Variants in ZFHX3 observed in about 807,000 individuals in gnomAD.
ZFHX3 encodes the protein zinc finger homeobox 3.
In ZFHX3, 42 loss-of-function variants were observed where a neutral mutation model predicts 279.1. That is an observed-to-expected ratio of 0.15 (90% CI 0.12 to 0.19). The LOEUF is 0.19. ZFHX3 is among the 10% of genes least tolerant of loss of function. The probability of loss-of-function intolerance (pLI) is 1.00; values close to 1 mark genes in which losing one functional copy is unlikely to be tolerated. For synonymous variants in ZFHX3, 2,293 were observed against 1,957.8 expected (o/e 1.17, Z -4.52); for missense variants, 4,981 against 4,754.0 (o/e 1.05, Z -1.40).
chr16:73,220,369 T>C (rs1417486968), intron 5 of ZFHX3, among the ~76,000 whole-genome samples: 1 of 152,072 alleles, frequency 6.6e-6, no homozygotes, highest in Non-Finnish European at 1.5e-5. Flanking sequence ...TATTAAACAA[T>C]AAAATAAAAT....
At chr16:73,065,133 C>T (rs921008588) in intron 8 of ZFHX3, among the ~76,000 whole-genome samples, 1 of 152,188 alleles carries the variant, frequency 6.6e-6, no homozygotes, top group Non-Finnish European at 1.5e-5. Flanking sequence ...GATGGGCGGG[C>T]GGCGGGCTTG....
intron 2 of ZFHX3, among the ~76,000 whole-genome samples, chr16:73,545,633 C>T (rs2020095525): frequency 6.6e-6 from 1 of 152,080 alleles, no homozygotes; most frequent in Non-Finnish European, 1.5e-5. Flanking sequence ...TTAGTTTGTG[C>T]TCTTCTTCTT....
intron 1 of ZFHX3, among the ~76,000 whole-genome samples, chr16:73,704,528 C>T (rs1282760939): frequency 6.6e-6 from 1 of 152,220 alleles, no homozygotes; most frequent in Non-Finnish European, 1.5e-5. Context: ...CACTGTACTG[C>T]ACATAAGACA....
At chr16:72,971,782 G>C (rs1269503759) in intron 1 of ZFHX3, among the ~76,000 whole-genome samples, 1 of 151,710 alleles carries the variant, frequency 6.6e-6, no homozygotes, top group Non-Finnish European at 1.5e-5. Flanking sequence ...GGCAAGAAAT[G>C]GCATCTCATT....
At chr16:73,864,449 T>C (rs1466433960) in intron 1 of ZFHX3, among the ~76,000 whole-genome samples, 1 of 152,234 alleles carries the variant, frequency 6.6e-6, no homozygotes, top group East Asian at 1.9e-4. Flanking sequence ...CTGGGTCTAG[T>C]GGCTTATGCC....
chr16:73,263,396 C>A (rs1459735453), intron 4 of ZFHX3, among the ~76,000 whole-genome samples: 1 of 152,086 alleles, frequency 6.6e-6, no homozygotes, highest in East Asian at 1.9e-4. Flanking sequence ...AGTATGTTAC[C>A]CAGGCTGATC....
chr16:73,024,590 T>C (rs186987686), intron 1 of ZFHX3, among the ~76,000 whole-genome samples: 242 of 152,134 alleles, frequency 1.6e-3, no homozygotes, highest in Non-Finnish European at 3.0e-3. Context: ...TAAAACGAAA[T>C]CTCACCAGCA....
intron 3 of ZFHX3, among the ~76,000 whole-genome samples, chr16:73,352,121 G>C (rs1360441253): frequency 2.6e-5 from 4 of 152,064 alleles, no homozygotes; most frequent in Non-Finnish European, 5.9e-5. Context: ...TTTCAGTCTG[G>C]GGAATCGCCA....
At chr16:73,278,882 T>C (rs1469964197) in intron 4 of ZFHX3, among the ~76,000 whole-genome samples, 1 of 152,176 alleles carries the variant, frequency 6.6e-6, no homozygotes, top group East Asian at 1.9e-4. Flanking sequence ...TACAATCCTC[T>C]TGTAAGACAG....
At chr16:73,661,098 T>C (rs2052778567) in intron 2 of ZFHX3, among the ~76,000 whole-genome samples, 1 of 152,224 alleles carries the variant, frequency 6.6e-6, no homozygotes, top group Non-Finnish European at 1.5e-5. Context: ...TAACATTTTC[T>C]TAAACTTCTA....
chr16:73,513,497 G>T (rs934455906), intron 2 of ZFHX3, among the ~76,000 whole-genome samples: 70 of 152,112 alleles, frequency 4.6e-4, no homozygotes, highest in African/African-American at 1.6e-3. Context: ...CTTGGGGCTG[G>T]TTTACAGATA....
chr16:73,120,145 C>T (rs1227246106), intron 7 of ZFHX3, among the ~76,000 whole-genome samples: 3 of 152,120 alleles, frequency 2.0e-5, no homozygotes, highest in Non-Finnish European at 4.4e-5. Context: ...AAGGCTCTTT[C>T]TGTCCCTGAT....
intron 2 of ZFHX3, among the ~76,000 whole-genome samples, chr16:73,642,682 C>T (rs973490997): frequency 4.6e-5 from 7 of 152,112 alleles, no homozygotes; most frequent in Admixed American, 2.6e-4. Flanking sequence ...CTATATTAAG[C>T]GTAGTACATA....
At chr16:73,845,663 G>A (rs939137098) in intron 1 of ZFHX3, among the ~76,000 whole-genome samples, 14 of 152,176 alleles carry the variant, frequency 9.2e-5, no homozygotes, top group South Asian at 4.2e-4. Flanking sequence ...TGCTGGCTCC[G>A]TCAGGATTTT....
At chr16:73,095,004 G>A (rs755873429) in intron 7 of ZFHX3, among the ~76,000 whole-genome samples, 170 of 151,530 alleles carry the variant, frequency 1.1e-3, no homozygotes, top group Non-Finnish European at 7.2e-4. Flanking sequence ...GCCACTGTGC[G>A]CAGCTCCTTC....
rs138619337 is a variant in ZFHX3 at position 73,091,264 on chromosome 16, A to G, written c.-533+1971T>C. Among the ~76,000 whole-genome samples the G allele has an allele frequency of 9.5e-3, 1,439 of 152,004 alleles. 14 individuals are homozygous for G. The highest frequency in any genetic ancestry group is 0.016 in the Non-Finnish European group (1,062 of 67,958). ...AAAAAAAAAGCAGTAAAGACCACTAATCAGGCAGCCAGCAGTGTCACGCTT... is the reference window on the plus strand; with the variant it reads ...AAAAAAAAAGCAGTAAAGACCACTAGTCAGGCAGCCAGCAGTGTCACGCTT... On this transcript the variant is annotated intron_variant, in intron 8 of 17. Coordinates refer to the ZFHX3 transcript ENST00000641206.
rs1368687023 is a variant in ZFHX3, at chr16:73,206,573, C to T, written c.-1104+50474G>A. The stretch of plus-strand genomic sequence containing the variant: ...ATATTTTCTCATTCAGAGATTCATA[C>T]TGGCATCTGTAGTCTTCTCCTTTAT... On this transcript the variant is annotated intron_variant, in intron 5 of 17. Transcript: ENST00000641206. 3.3e-5 allele frequency among the ~76,000 whole-genome samples: 5 copies of T among 152,234 alleles called. No individual in the cohort carries two copies. In the East Asian group the frequency reaches 7.7e-4, roughly 23 times the overall value.
chr16:73,822,555 G>T (rs1960778359), intron 1 of ZFHX3, among the ~76,000 whole-genome samples: 5 of 151,568 alleles, frequency 3.3e-5, no homozygotes. Context: ...ACACTATAAT[G>T]CTTTACTCTT....
chr16:73,787,612 T>C (rs1051338035), intron 1 of ZFHX3, among the ~76,000 whole-genome samples: 4 of 152,126 alleles, frequency 2.6e-5, no homozygotes, highest in South Asian at 2.1e-4. Context: ...GGGAAATAAG[T>C]TTCATGTAGC....
Sources: allele counts gnomAD v4.1 joint callset (sites outside exome capture counted in the v4.1 genomes callset), GRCh38; gene constraint gnomAD v4.1.1; transcripts MANE v1.5; gene names NCBI Gene and HGNC (gene_info 2026-07-23, HGNC 2026-07-21).